QSOX2: variants seen among roughly 807,000 people sequenced by gnomAD.
QSOX2 encodes sulfhydryl oxidase 2.
A neutral mutation model predicts 61.7 loss-of-function variants in QSOX2; 46 were observed. The observed-to-expected ratio is 0.75, with a 90% CI of 0.59 to 0.95. The LOEUF is 0.95. QSOX2 is among the 40% of genes least tolerant of loss of function. The pLI is 0.00. For missense variants in QSOX2, 879 were observed against 918.9 expected (o/e 0.96, Z 0.56); for synonymous variants, 383 against 388.4 (o/e 0.99, Z 0.16).
At chr9:136,219,979 G>A (rs575756579) in intron 6 of QSOX2, among the ~76,000 whole-genome samples, 2 of 152,322 alleles carry the variant, frequency 1.3e-5, no homozygotes, top group African/African-American at 4.8e-5. Flanking sequence ...CTCCCAACAA[G>A]CTCAATGGCC....
rs998261896 is a variant in QSOX2 at position 136,222,130 on chromosome 9, T to C, written c.676-189A>G. Among the ~76,000 whole-genome samples, 1 of 152,202 alleles carries C rather than the reference T, an allele frequency of 6.6e-6. No individual in the cohort carries two copies. Among genetic ancestry groups the C allele is most frequent in the Non-Finnish European group, 1.5e-5 (1 of 68,042 alleles). The stretch of plus-strand genomic sequence containing the variant: ...AAGGCAACTGACGGCACACACGCCA[T>C]GAGCAGAAACCACGGTCTTATTCGG... On this transcript the variant is annotated intron_variant, in intron 5 of 11. Coordinates refer to ENST00000358701, the MANE Select transcript of QSOX2 (RefSeq NM_181701.4). This position sits in a 1 kb window ranked among gnomAD's most constrained non-coding sequence, Gnocchi z 6.9.
At chr9:136,240,972 C>G (rs746375611) in intron 1 of QSOX2, among the ~76,000 whole-genome samples, 3 of 152,188 alleles carry the variant, frequency 2.0e-5, no homozygotes, top group Non-Finnish European at 4.4e-5. Context: ...GCACGACGAC[C>G]GGCATGACAC....
intron 7 of QSOX2, 65 bp from the exon 8 acceptor site, chr9:136,218,873 C>A: frequency 1.3e-6 from 2 of 1,589,100 alleles, no homozygotes; most frequent in South Asian, 1.1e-5. Flanking sequence ...GTCTCCCTGT[C>A]CTGGCTCCTC....
chr9:136,208,530 C>T lies in QSOX2; in HGVS notation c.*198G>A. ...AGTACGCCAGGAATGCAAATATCCC[C>T]ACAAAATTACCCCGTGTTCTTCCCT... is the stretch of plus-strand genomic sequence containing the variant. On this transcript the variant is annotated 3_prime_UTR_variant, in exon 12 of 12. Transcript: ENST00000358701. 1.7e-6 allele frequency: 1 copy of T among 604,300 alleles called. No individual in the cohort carries two copies. The highest frequency in any genetic ancestry group is 2.9e-5 in the East Asian group (1 of 34,558). The allele number at this position is 604,300 out of a possible 1,614,324, so 37.4% of individuals were successfully genotyped here.
intron 1 of QSOX2, among the ~76,000 whole-genome samples, chr9:136,230,808 G>T (rs1400431325): frequency 6.6e-6 from 1 of 152,194 alleles, no homozygotes; most frequent in Non-Finnish European, 1.5e-5. Context: ...ACCCAGCACT[G>T]CTCCGCTCAC....
At chr9:136,216,333 T>A (rs929476403) in intron 9 of QSOX2, among the ~76,000 whole-genome samples, 3 of 152,232 alleles carry the variant, frequency 2.0e-5, no homozygotes, top group African/African-American at 7.2e-5. Context: ...AACTACTACG[T>A]TGCTTGAGAA....
At chr9:136,241,637 G>T (rs1036339764) in intron 1 of QSOX2, among the ~76,000 whole-genome samples, 7 of 152,214 alleles carry the variant, frequency 4.6e-5, no homozygotes, top group African/African-American at 1.7e-4. Context: ...TCACTCAGCT[G>T]CGTGACCGTG....
chr9:136,241,650 T>C (rs573381430), intron 1 of QSOX2, among the ~76,000 whole-genome samples: 13 of 152,332 alleles, frequency 8.5e-5, no homozygotes, highest in African/African-American at 2.4e-4. Flanking sequence ...TGACCGTGAC[T>C]ATCCCACGCA....
Position 136,209,047 on chromosome 9 carries a change from CTT to C in QSOX2, c.1776_1777del (p.Arg593ThrfsTer62), listed in dbSNP as rs1384014407. ...ATGGGACACCTCTGGGGGAGTGAGT[CTT>C]TTCTCCTCTTCCTCACCCCTGGCCA... On this transcript the variant is annotated frameshift_variant, in exon 12 of 12. Coordinates refer to ENST00000358701, the MANE Select transcript of QSOX2 (RefSeq NM_181701.4). LOFTEE classifies it low-confidence loss of function (END_TRUNC). This position sits in a 1 kb window ranked among gnomAD's most constrained non-coding sequence, Gnocchi z 5.6. 1 of 1,614,112 alleles carries C rather than the reference CTT, an allele frequency of 6.2e-7. No individual in the cohort carries two copies. The highest frequency in any genetic ancestry group is 8.5e-7 in the Non-Finnish European group (1 of 1,179,988).
At chr9:136,244,561 T>C (rs1830455715) in intron 1 of QSOX2, among the ~76,000 whole-genome samples, 1 of 152,196 alleles carries the variant, frequency 6.6e-6, no homozygotes, top group Non-Finnish European at 1.5e-5. Context: ...AATTTGAGGT[T>C]AGCACAACAC....
chr9:136,235,049 C>A (rs1443197191), intron 1 of QSOX2, among the ~76,000 whole-genome samples: 1 of 152,184 alleles, frequency 6.6e-6, no homozygotes, highest in Non-Finnish European at 1.5e-5. Flanking sequence ...GCTCAGCAGA[C>A]CCTCCTTGCA....
Position 136,223,357 on chromosome 9 carries a change from G to A in QSOX2, c.675+406C>T, listed in dbSNP as rs1830244188. ...ATCAAAGTATGACGATAGAAACGAC[G>A]TTTTACAGAATCTTGGATTTGGCAA... On this transcript the variant is annotated intron_variant, in intron 5 of 11. Transcript: ENST00000358701. The surrounding 1 kb of genome is among the most constrained non-coding windows in gnomAD (Gnocchi z 4.4). 6.6e-6 allele frequency among the ~76,000 whole-genome samples: 1 copy of A among 152,294 alleles called. No homozygotes were observed. Among genetic ancestry groups the A allele is most frequent in the Non-Finnish European group, 1.5e-5 (1 of 68,028 alleles).
chr9:136,218,105 CCTCTTCAG>C (rs1004243742), intron 8 of QSOX2, among the ~76,000 whole-genome samples: 2 of 152,226 alleles, frequency 1.3e-5, no homozygotes, highest in Non-Finnish European at 2.9e-5. Context: ...CCTGGCTGGT[CCTCTTCAG>C]CCTGACCCTG....
chr9:136,223,667 C>T lies in QSOX2; in HGVS notation c.675+96G>A, dbSNP rs1474910022. ...AAGCCACAGACAGGACACGAGATGC[C>T]GACACAGTGACCGGCACCTGCAAAT... On this transcript the variant is annotated intron_variant, in intron 5 of 11. Coordinates refer to ENST00000358701, the MANE Select transcript of QSOX2 (RefSeq NM_181701.4). This position sits in a 1 kb window ranked among gnomAD's most constrained non-coding sequence, Gnocchi z 4.4. The T allele has an allele frequency of 4.2e-5, 38 of 907,688 alleles. No homozygotes were observed. The highest frequency in any genetic ancestry group is 5.9e-5 in the Non-Finnish European group (34 of 576,720). The allele number at this position is 907,688 out of a possible 1,614,324, so 56.2% of individuals were successfully genotyped here.
At chr9:136,216,462 G>A (rs62578992) in intron 9 of QSOX2, 138 bp downstream of exon 9, 60,698 of 1,188,816 alleles carry the variant, frequency 0.051, 1,787 homozygotes, top group African/African-American at 0.094. Context: ...TGATGCTGTC[G>A]TGGAGACAGT....
chr9:136,228,201 A>G (rs897149168), intron 1 of QSOX2, among the ~76,000 whole-genome samples: 2 of 152,048 alleles, frequency 1.3e-5, no homozygotes, highest in African/African-American at 4.8e-5. Context: ...CTCTCTCCTT[A>G]GTGATCACGA....
chr9:136,226,511 G>T (rs530167459), intron 2 of QSOX2, among the ~76,000 whole-genome samples: 1 of 152,118 alleles, frequency 6.6e-6, no homozygotes, highest in African/African-American at 2.4e-5. Flanking sequence ...GTCTTTTCAC[G>T]CATCCCCTCC....
rs1482866811 is a variant in QSOX2 at position 136,206,588 on chromosome 9, C to T, written c.*2140G>A. 6.6e-6 allele frequency: 1 copy of T among 152,316 alleles called. No individual in the cohort carries two copies. The highest frequency in any genetic ancestry group is 2.4e-5 in the African/African-American group (1 of 41,444). The allele number at this position is 152,316 out of a possible 1,614,324, so 9.4% of individuals were successfully genotyped here. A position where few individuals can be genotyped will look rare whatever the true frequency, so the allele number is the denominator to read the frequency against. Reference sequence around the variant, plus strand: ...CTAAACATTGCCTAAAGGTGGCATCCAGCTCTGAGCAGGCCACACAAGGTG... The same window carrying T: ...CTAAACATTGCCTAAAGGTGGCATCTAGCTCTGAGCAGGCCACACAAGGTG... On this transcript the variant is annotated 3_prime_UTR_variant, in exon 12 of 12. Transcript: ENST00000358701.
At chr9:136,225,639 G>C (rs1046559453) in intron 2 of QSOX2, among the ~76,000 whole-genome samples, 3 of 152,200 alleles carry the variant, frequency 2.0e-5, no homozygotes, top group African/African-American at 7.2e-5. Context: ...CCCGGTTCGC[G>C]GCCCAGTGGC....
Sources: allele counts gnomAD v4.1 joint callset (sites outside exome capture counted in the v4.1 genomes callset), GRCh38; gene constraint gnomAD v4.1.1; non-coding constraint Gnocchi (gnomAD v3.1); transcripts MANE v1.5; gene names NCBI Gene and HGNC (gene_info 2026-07-23, HGNC 2026-07-21).